The following SPTBN1 variants were observed in gnomAD, a reference collection of about 807,000 sequenced individuals.
SPTBN1 encodes the protein spectrin beta, non-erythrocytic 1.
SPTBN1 carries 32 observed loss-of-function variants against 266.4 expected under a neutral mutation model. That is an observed-to-expected ratio of 0.12 (90% CI 0.09 to 0.16). The LOEUF is 0.16. Among genes scored for constraint, SPTBN1 ranks in the 10% least tolerant of loss-of-function variants. SPTBN1 has a pLI of 1.00. For missense variants in SPTBN1, 2,296 were observed against 3,067.1 expected, an observed-to-expected ratio of 0.75 and a Z score of 5.94; for synonymous variants, 1,336 against 1,162.2, an observed-to-expected ratio of 1.15 and a Z score of -3.04.
intron 1 of SPTBN1, among the ~76,000 whole-genome samples, chr2:54,459,602 A>AT (rs1693252506): frequency 7.3e-6 from 1 of 137,692 alleles, no homozygotes; most frequent in Non-Finnish European, 1.6e-5. Context: ...TTTAAAGCCT[A>AT]ATTTTTTTTA....
At chr2:54,604,502 T>G (rs1460355254) in intron 3 of SPTBN1, among the ~76,000 whole-genome samples, 1 of 152,152 alleles carries the variant, frequency 6.6e-6, no homozygotes, top group Non-Finnish European at 1.5e-5. Flanking sequence ...ACAGAGCCAG[T>G]GCCCCAGGAG....
At chr2:54,479,685 G>A (rs1261526715) in intron 1 of SPTBN1, among the ~76,000 whole-genome samples, 1 of 152,000 alleles carries the variant, frequency 6.6e-6, no homozygotes, top group Non-Finnish European at 1.5e-5. Flanking sequence ...CACTTCCTAG[G>A]GTGTTAAGAT....
intron 2 of SPTBN1, among the ~76,000 whole-genome samples, chr2:54,578,033 T>A (rs1001328502): frequency 4.6e-5 from 7 of 152,232 alleles, no homozygotes; most frequent in Non-Finnish European, 1.0e-4. Flanking sequence ...CCCTTTTCTT[T>A]GATGGTACTT....
At chr2:54,485,707 A>G (rs1668331680) in intron 1 of SPTBN1, among the ~76,000 whole-genome samples, 1 of 149,902 alleles carries the variant, frequency 6.7e-6, no homozygotes, top group East Asian at 2.0e-4. Context: ...GAAAGTGAGG[A>G]GCGTCTCTGC....
intron 1 of SPTBN1, among the ~76,000 whole-genome samples, chr2:54,517,846 A>G (rs1022945122): frequency 1.3e-5 from 2 of 151,648 alleles, no homozygotes; most frequent in African/African-American, 4.8e-5. Context: ...GGGTTTCACC[A>G]TGTTAGCCAG....
intron 2 of SPTBN1, among the ~76,000 whole-genome samples, chr2:54,562,635 A>G (rs1673386087): frequency 1.4e-5 from 2 of 142,104 alleles, no homozygotes; most frequent in African/African-American, 5.5e-5. Flanking sequence ...GGCTCAAGTG[A>G]TTCTCCCACC....
At chr2:54,652,613 A>C (rs1680370803) in intron 26 of SPTBN1, 1 of 152,282 alleles carries the variant, frequency 6.6e-6, no homozygotes, top group South Asian at 2.1e-4. Flanking sequence ...AAGTAGGATC[A>C]TAAAATCAGA....
chr2:54,655,154 C>T lies in SPTBN1; in HGVS notation c.5907C>T (p.Thr1969=). The T allele has an allele frequency of 3.1e-6, 5 of 1,614,104 alleles. No homozygotes were observed. Among genetic ancestry groups the T allele is most frequent in the Non-Finnish European group, 4.2e-6 (5 of 1,180,010 alleles). ...ATGCACGTAATGACAGTTTCACAAC[C>T]TGCATTGAACTTGGGAAATCCCTGT... The part of the protein sequence containing the change: ...EIDARNDSFT[T]CIELGKSLLA... Residue 1969 remains threonine (T), a synonymous_variant, in exon 28 of 36, where the codon ACC becomes ACT. Coordinates refer to ENST00000356805, the MANE Select transcript of SPTBN1 (RefSeq NM_003128.3).
chr2:54,468,904 G>A (rs1417883312), intron 1 of SPTBN1, among the ~76,000 whole-genome samples: 1 of 152,246 alleles, frequency 6.6e-6, no homozygotes. Context: ...ATGTGTCGCA[G>A]TGGAATGGAT....
intron 2 of SPTBN1, among the ~76,000 whole-genome samples, chr2:54,577,872 A>G (rs1674598475): frequency 6.6e-6 from 1 of 152,212 alleles, no homozygotes; most frequent in African/African-American, 2.4e-5. Context: ...ATTTAGTGAA[A>G]GCAGTTGTTG....
intron 2 of SPTBN1, among the ~76,000 whole-genome samples, chr2:54,547,523 G>A (rs1573386749): frequency 6.6e-6 from 1 of 152,114 alleles, no homozygotes; most frequent in Non-Finnish European, 1.5e-5. Context: ...TTAATTTTTT[G>A]CAGAACCTCC....
chr2:54,458,436 G>T (rs1222122414), intron 1 of SPTBN1, among the ~76,000 whole-genome samples: 3 of 152,184 alleles, frequency 2.0e-5, no homozygotes, highest in East Asian at 1.9e-4. Flanking sequence ...CATGATGGGG[G>T]CTAAATTGGT....
intron 1 of SPTBN1, among the ~76,000 whole-genome samples, chr2:54,506,182 A>G (rs1669545977): frequency 6.6e-6 from 1 of 152,070 alleles, no homozygotes; most frequent in South Asian, 2.1e-4. Flanking sequence ...GCAAGACTGT[A>G]TGTGTGCTTG....
rs758383775 is a variant in SPTBN1, at chr2:54,646,250, G to C, written c.4641G>C (p.Arg1547Ser). ...HQPRIDDIFE[R>S]SQNIVTDSSS... ...CTCGCATTGACGACATCTTTGAGAG[G>C]AGCCAAAACATCGTCACTGACAGCA... Residue 1547 changes from arginine (R) to serine (S), a missense_variant, in exon 23 of 36, where the codon AGG becomes AGC. Around this residue, in one of 12 missense-constraint regions of SPTBN1, gnomAD observed 644 missense variants for 745.3 expected, o/e 0.86. Coordinates refer to ENST00000356805, the MANE Select transcript of SPTBN1 (RefSeq NM_003128.3). This position sits in a 1 kb window ranked among gnomAD's most constrained non-coding sequence, Gnocchi z 4.4. 2 of 1,614,070 alleles carry C rather than the reference G, an allele frequency of 1.2e-6. No individual in the cohort carries two copies. The highest frequency in any genetic ancestry group is 1.7e-6 in the Non-Finnish European group (2 of 1,179,978).
chr2:54,496,439 T>TAAAAAA (rs10623542), intron 1 of SPTBN1, among the ~76,000 whole-genome samples: 1 of 126,386 alleles, frequency 7.9e-6, no homozygotes, highest in Non-Finnish European at 1.6e-5. Flanking sequence ...CTCCGTGTCT[T>TAAAAAA]AAAAAAAAAA....
Position 54,558,922 on chromosome 2 carries a change from G to C in SPTBN1, c.148+32356G>C. On this transcript the variant is annotated intron_variant, in intron 2 of 35. Coordinates refer to ENST00000356805, the MANE Select transcript of SPTBN1 (RefSeq NM_003128.3). The surrounding 1 kb of genome is among the most constrained non-coding windows in gnomAD (Gnocchi z 4.6). ...CTCCCAAAGGCCGGGCCTGTCCTGGGTGCCAACGGGGGTTCTTGGAGGCTT... is the reference window on the plus strand; with the variant it reads ...CTCCCAAAGGCCGGGCCTGTCCTGGCTGCCAACGGGGGTTCTTGGAGGCTT... The C allele has an allele frequency of 1.2e-6, 2 of 1,602,182 alleles. No individual in the cohort carries two copies. The highest frequency in any genetic ancestry group is 1.1e-5 in the South Asian group (1 of 89,990).
intron 2 of SPTBN1, among the ~76,000 whole-genome samples, chr2:54,562,736 T>TGTGTGTG (rs1399014347): frequency 5.2e-4 from 36 of 69,006 alleles, no homozygotes; most frequent in African/African-American, 1.9e-3. Context: ...GTGTGTGTGT[T>TGTGTGTG]TTGTAGAGAC....
intron 1 of SPTBN1, among the ~76,000 whole-genome samples, chr2:54,462,045 A>C (rs1693393887): frequency 6.6e-6 from 1 of 152,232 alleles, no homozygotes; most frequent in East Asian, 1.9e-4. Flanking sequence ...GGTGTTGTAT[A>C]CTAGCCTTAT....
At chr2:54,593,483 G>A (rs1675824031) in intron 2 of SPTBN1, among the ~76,000 whole-genome samples, 1 of 152,176 alleles carries the variant, frequency 6.6e-6, no homozygotes, top group Non-Finnish European at 1.5e-5. Context: ...CCTGGGTTGT[G>A]TTGGTAGGTA....
Sources: allele counts gnomAD v4.1 joint callset (sites outside exome capture counted in the v4.1 genomes callset), GRCh38; gene constraint gnomAD v4.1.1; regional missense constraint gnomAD v4.1.1; non-coding constraint Gnocchi (gnomAD v3.1); transcripts MANE v1.5; gene names NCBI Gene and HGNC (gene_info 2026-07-23, HGNC 2026-07-21).